HSD17B12: variants seen among roughly 807,000 people sequenced by gnomAD.
HSD17B12 encodes hydroxysteroid 17-beta dehydrogenase 12.
In HSD17B12, 32 loss-of-function variants were observed where a neutral mutation model predicts 39.3. That is an observed-to-expected ratio of 0.81 (90% CI 0.61 to 1.09). The LOEUF (loss-of-function observed/expected upper bound fraction) is 1.09, where lower values mean the gene tolerates loss of function less well. Ranked by LOEUF, HSD17B12 falls within the 50% of genes least tolerant of loss-of-function variation. The pLI, the probability that HSD17B12 is intolerant of heterozygous loss-of-function variation, is 0.00. For missense variants in HSD17B12, 342 were observed against 382.9 expected (o/e 0.89, Z 0.89); for synonymous variants, 150 against 146.7 (o/e 1.02, Z -0.16).
At chr11:43,735,682 C>T (rs1950309868) in intron 1 of HSD17B12, among the ~76,000 whole-genome samples, 1 of 152,116 alleles carries the variant, frequency 6.6e-6, no homozygotes, top group Non-Finnish European at 1.5e-5. Flanking sequence ...TGTTTTCTCT[C>T]ATTCTATGTG....
At chr11:43,579,947 A>G in the HSD17B12 span, among the ~76,000 whole-genome samples, 2 of 152,058 alleles carry the variant, frequency 1.3e-5, no homozygotes, top group South Asian at 2.1e-4. Context: ...TTTCCCCCCA[A>G]GTTCTTGCAA....
At chr11:43,668,152 A>G in the HSD17B12 span, among the ~76,000 whole-genome samples, 1 of 152,322 alleles carries the variant, frequency 6.6e-6, no homozygotes, top group South Asian at 2.1e-4. Context: ...TCATCTTACA[A>G]TTCTATAGGT....
chr11:43,645,806 C>G, the HSD17B12 span: 1 of 152,406 alleles, frequency 6.6e-6, no homozygotes. Context: ...TGGTGAAACC[C>G]CATCTCTACT....
At chr11:43,621,279 AG>A in the HSD17B12 span, among the ~76,000 whole-genome samples, 1 of 152,168 alleles carries the variant, frequency 6.6e-6, no homozygotes, top group East Asian at 1.9e-4. Context: ...TATAAATAAG[AG>A]GTAGATCAAG....
the HSD17B12 span, among the ~76,000 whole-genome samples, chr11:43,610,037 C>T: frequency 5.3e-5 from 8 of 152,164 alleles, no homozygotes; most frequent in Non-Finnish European, 1.0e-4. Flanking sequence ...AGGGGCGTCA[C>T]GTTTTCTAAT....
At chr11:43,688,375 G>T (rs1949821704) in intron 1 of HSD17B12, among the ~76,000 whole-genome samples, 1 of 152,204 alleles carries the variant, frequency 6.6e-6, no homozygotes, top group South Asian at 2.1e-4. Context: ...TACAGGGACT[G>T]AGTGATGGGG....
At chr11:43,625,548 A>G in the HSD17B12 span, among the ~76,000 whole-genome samples, 759 of 151,562 alleles carry the variant, frequency 5.0e-3, 6 homozygotes, top group African/African-American at 0.017. Flanking sequence ...AGAATCATAT[A>G]TAATATATTT....
At chr11:43,815,523 A>T in intron 5 of HSD17B12, 22 bp downstream of exon 5, 2 of 1,445,244 alleles carry the variant, frequency 1.4e-6, no homozygotes, top group Non-Finnish European at 1.9e-6. Flanking sequence ...TTTGTGTATT[A>T]TGGTAACAAA....
intron 1 of HSD17B12, among the ~76,000 whole-genome samples, chr11:43,702,019 T>C (rs1949969590): frequency 1.3e-5 from 2 of 152,206 alleles, no homozygotes; most frequent in Non-Finnish European, 2.9e-5. Flanking sequence ...CAGTGTTTTA[T>C]AGTTTTTATT....
At chr11:43,641,833 T>G in the HSD17B12 span, among the ~76,000 whole-genome samples, 2 of 151,966 alleles carry the variant, frequency 1.3e-5, no homozygotes, top group Non-Finnish European at 2.9e-5. Context: ...AAAAGCAGAT[T>G]ACAAGTGCAA....
chr11:43,612,244 T>A, the HSD17B12 span, among the ~76,000 whole-genome samples: 1 of 152,250 alleles, frequency 6.6e-6, no homozygotes, highest in Non-Finnish European at 1.5e-5. Flanking sequence ...TAGTTATTAT[T>A]CCTCTGTTTT....
At chr11:43,585,231 A>C in the HSD17B12 span, among the ~76,000 whole-genome samples, 1 of 152,182 alleles carries the variant, frequency 6.6e-6, no homozygotes, top group Non-Finnish European at 1.5e-5. Context: ...TTTTCCTATT[A>C]ACCAGCAAAA....
At chr11:43,674,374 C>G in the HSD17B12 span, among the ~76,000 whole-genome samples, 123 of 152,202 alleles carry the variant, frequency 8.1e-4, no homozygotes, top group Non-Finnish European at 1.2e-3. Flanking sequence ...AAAGGGCTAT[C>G]TGGCATGTAC....
At chr11:43,581,578 T>C in the HSD17B12 span, 2 of 402,130 alleles carry the variant, frequency 5.0e-6, no homozygotes, top group African/African-American at 4.1e-5. This position sits in a 1 kb window ranked among gnomAD's most constrained non-coding sequence, Gnocchi z 4.9. Flanking sequence ...CTTTCCCCGT[T>C]TTCCACGGAA....
At chr11:43,644,649 G>A in the HSD17B12 span, 3 of 152,982 alleles carry the variant, frequency 2.0e-5, no homozygotes, top group Non-Finnish European at 4.4e-5. Flanking sequence ...TTTGGGGTTG[G>A]ACTGGGCTCT....
intron 4 of HSD17B12, among the ~76,000 whole-genome samples, chr11:43,806,011 C>T (rs903352036): frequency 5.9e-5 from 9 of 152,118 alleles, no homozygotes; most frequent in Non-Finnish European, 1.2e-4. Context: ...TGAAGAGAAA[C>T]CATAGGGCAA....
chr11:43,834,299 A>C (rs975172045), intron 7 of HSD17B12, among the ~76,000 whole-genome samples: 8 of 151,834 alleles, frequency 5.3e-5, no homozygotes, highest in African/African-American at 1.5e-4. Context: ...TATAATGACA[A>C]CCCTCCCCCT....
chr11:43,672,491 T>C, the HSD17B12 span, among the ~76,000 whole-genome samples: 1 of 152,098 alleles, frequency 6.6e-6, no homozygotes, highest in Non-Finnish European at 1.5e-5. Flanking sequence ...TTGAATGGGG[T>C]AATGTATGTG....
At chr11:43,821,192 G>A (rs1315163564) in intron 6 of HSD17B12, among the ~76,000 whole-genome samples, 4 of 152,130 alleles carry the variant, frequency 2.6e-5, no homozygotes, top group Non-Finnish European at 4.4e-5. Context: ...AGCATTTTGA[G>A]TTTATTCCTT....
Sources: allele counts gnomAD v4.1 joint callset (sites outside exome capture counted in the v4.1 genomes callset), GRCh38; gene constraint gnomAD v4.1.1; non-coding constraint Gnocchi (gnomAD v3.1); transcripts MANE v1.5; gene names NCBI Gene and HGNC (gene_info 2026-07-23, HGNC 2026-07-21).